The following TAFA2 variants were observed in gnomAD, a reference collection of about 807,000 sequenced individuals.
TAFA2 encodes chemokine-like protein TAFA-2.
TAFA2 carries 7 observed loss-of-function variants against 18.8 expected under a neutral mutation model. The ratio of observed to expected loss-of-function variants is 0.37; its 90% CI spans 0.21 to 0.70. TAFA2 has a LOEUF of 0.70. TAFA2 is among the 30% of genes least tolerant of loss of function. The pLI is 0.53. For missense variants in TAFA2, 122 were observed against 158.1 expected, an observed-to-expected ratio of 0.77 and a Z score of 1.23; for synonymous variants, 60 against 54.2, an observed-to-expected ratio of 1.11 and a Z score of -0.47.
At chr12:61,978,889 T>C (rs1592527215) in intron 1 of TAFA2, among the ~76,000 whole-genome samples, 1 of 152,196 alleles carries the variant, frequency 6.6e-6, no homozygotes, top group East Asian at 1.9e-4. Context: ...TACATTTGCA[T>C]TGTTTTTCAA....
At chr12:62,030,709 G>C (rs897012152) in intron 1 of TAFA2, among the ~76,000 whole-genome samples, 11 of 152,128 alleles carry the variant, frequency 7.2e-5, no homozygotes, top group African/African-American at 9.7e-5. Context: ...TGCTGAAAAT[G>C]GTCCATGGAC....
chr12:62,103,480 C>G (rs147154929), intron 1 of TAFA2, among the ~76,000 whole-genome samples: 166 of 152,234 alleles, frequency 1.1e-3, no homozygotes, highest in Non-Finnish European at 1.4e-3. Flanking sequence ...GTGGCTCACA[C>G]CTGTAATCCC....
At chr12:61,849,357 T>A (rs1190906741) in intron 2 of TAFA2, among the ~76,000 whole-genome samples, 5 of 152,242 alleles carry the variant, frequency 3.3e-5, no homozygotes, top group Non-Finnish European at 1.5e-5. Flanking sequence ...ATTCTACAAA[T>A]GTAGTCTTCT....
rs1468817053 is a variant in TAFA2 at position 62,190,234 on chromosome 12, C to G, written c.-2+1025G>C. 2.0e-5 allele frequency among the ~76,000 whole-genome samples: 3 copies of G among 152,254 alleles called. No homozygotes were observed. In the East Asian group the frequency reaches 5.8e-4, roughly 29 times the overall value. ...GGGAAGCCTCGCGTCCACCCAAAGG[C>G]TCTACGAGCGTCTATGGTTCTTCCT... On this transcript the variant is annotated intron_variant, in intron 1 of 4. Transcript: ENST00000416284.
intron 1 of TAFA2, among the ~76,000 whole-genome samples, chr12:62,205,710 GC>G (rs2062688996): frequency 6.6e-6 from 1 of 152,152 alleles, no homozygotes; most frequent in Admixed American, 6.5e-5. Context: ...GACTGGAGTG[GC>G]CATAATGACT....
At chr12:62,008,264 T>C (rs1191033977) in intron 1 of TAFA2, among the ~76,000 whole-genome samples, 1 of 152,182 alleles carries the variant, frequency 6.6e-6, no homozygotes, top group Non-Finnish European at 1.5e-5. Flanking sequence ...GTCATTTCCT[T>C]TTGATCATGT....
chr12:62,084,674 G>A (rs1868382521), intron 1 of TAFA2, among the ~76,000 whole-genome samples: 1 of 152,090 alleles, frequency 6.6e-6, no homozygotes, highest in African/African-American at 2.4e-5. Context: ...CAGGCTTAGA[G>A]GTAAAAACTG....
At chr12:61,957,751 C>T (rs1254737859) in intron 1 of TAFA2, among the ~76,000 whole-genome samples, 1 of 152,054 alleles carries the variant, frequency 6.6e-6, no homozygotes, top group Admixed American at 6.6e-5. Context: ...CAGCATGTTG[C>T]ATGGTTTTGA....
intron 1 of TAFA2, among the ~76,000 whole-genome samples, chr12:62,100,794 T>C (rs1869163202): frequency 6.6e-6 from 1 of 152,190 alleles, no homozygotes; most frequent in Admixed American, 6.5e-5. Flanking sequence ...GCCAGTTATA[T>C]GGACTACTAG....
intron 2 of TAFA2, among the ~76,000 whole-genome samples, chr12:61,773,492 C>G (rs977303260): frequency 1.3e-5 from 2 of 151,970 alleles, no homozygotes; most frequent in Admixed American, 6.6e-5. Context: ...CATCATGGTA[C>G]TGGCATAAAA....
intron 2 of TAFA2, among the ~76,000 whole-genome samples, chr12:61,763,946 T>G (rs939673688): frequency 6.6e-6 from 1 of 152,010 alleles, no homozygotes; most frequent in Non-Finnish European, 1.5e-5. Flanking sequence ...CTTGATGATG[T>G]CTCTGTTCCT....
At chr12:61,752,056 A>G (rs1448750316) in intron 4 of TAFA2, among the ~76,000 whole-genome samples, 2 of 152,040 alleles carry the variant, frequency 1.3e-5, no homozygotes, top group Non-Finnish European at 2.9e-5. Context: ...TTGGAATGGA[A>G]CTACATGTTT....
At chr12:62,061,913 G>T (rs1026431136) in intron 1 of TAFA2, among the ~76,000 whole-genome samples, 2 of 152,118 alleles carry the variant, frequency 1.3e-5, no homozygotes, top group African/African-American at 2.4e-5. Context: ...GCTATTTATT[G>T]TAAGAGCGGA....
At chr12:61,944,474 T>C (rs1375233549) in intron 1 of TAFA2, among the ~76,000 whole-genome samples, 29 of 117,246 alleles carry the variant, frequency 2.5e-4, no homozygotes, top group African/African-American at 8.9e-4. Context: ...CTGAAGGAAA[T>C]AGAGACACAA....
At chr12:61,797,338 T>G (rs750622034) in intron 2 of TAFA2, among the ~76,000 whole-genome samples, 57 of 152,142 alleles carry the variant, frequency 3.7e-4, no homozygotes, top group Non-Finnish European at 3.7e-4. Flanking sequence ...GGAAGACTTC[T>G]GCTCCTTTGG....
intron 2 of TAFA2, among the ~76,000 whole-genome samples, chr12:61,803,204 A>G (rs141306961): frequency 6.6e-6 from 1 of 152,100 alleles, no homozygotes. Flanking sequence ...ATGACTGGCA[A>G]TACTTACTAG....
intron 1 of TAFA2, among the ~76,000 whole-genome samples, chr12:62,086,806 A>G (rs1027956643): frequency 6.6e-6 from 1 of 152,172 alleles, no homozygotes; most frequent in Non-Finnish European, 1.5e-5. Flanking sequence ...GAGAGTTGGG[A>G]GCAAGGACTC....
chr12:61,974,078 A>G (rs1879348901), intron 1 of TAFA2, among the ~76,000 whole-genome samples: 1 of 151,810 alleles, frequency 6.6e-6, no homozygotes, highest in Non-Finnish European at 1.5e-5. Flanking sequence ...TGTTAACTAC[A>G]ATATTGAAAA....
At chr12:61,875,395 C>G (rs756187437) in intron 1 of TAFA2, among the ~76,000 whole-genome samples, 15 of 151,968 alleles carry the variant, frequency 9.9e-5, no homozygotes, top group Non-Finnish European at 1.6e-4. Context: ...TATCTATCTC[C>G]TCCAGGGTCC....
Sources: gnomAD v4.1 joint callset for allele counts (sites outside exome capture counted in the v4.1 genomes callset) on GRCh38, gnomAD v4.1.1 for gene constraint, MANE v1.5 for transcripts, NCBI Gene and HGNC (gene_info 2026-07-23, HGNC 2026-07-21) for gene names.